Variants in TMEM131L observed in about 807,000 individuals in gnomAD.
TMEM131L encodes the protein transmembrane 131 like.
In TMEM131L, 54 loss-of-function variants were observed where a neutral mutation model predicts 192.2. That is an observed-to-expected ratio of 0.28 (90% CI 0.23 to 0.35). The LOEUF is 0.35. Among genes scored for constraint, TMEM131L ranks in the 10% least tolerant of loss-of-function variants. TMEM131L has a pLI of 1.00. For synonymous variants in TMEM131L, 701 were observed against 704.9 expected, an observed-to-expected ratio of 0.99 and a Z score of 0.09; for missense variants, 1,888 against 1,972.9, an observed-to-expected ratio of 0.96 and a Z score of 0.82.
chr4:153,604,188 A>T lies in TMEM131L; in HGVS notation c.3176A>T (p.Asn1059Ile). 6.2e-7 allele frequency: 1 copy of T among 1,614,176 alleles called. No individual in the cohort carries two copies. The highest frequency in any genetic ancestry group is 1.3e-5 in the African/African-American group (1 of 75,068). Reference sequence around the variant, plus strand: ...AAAAACTTACTGAATAAAGAAGAAAACACACTGAAAAACACAATTGTTTTC... The same window carrying T: ...AAAAACTTACTGAATAAAGAAGAAATCACACTGAAAAACACAATTGTTTTC... ...LPKNLLNKEENTLKNTIVFSN... is the reference protein window; with the variant it reads ...LPKNLLNKEEITLKNTIVFSN... Residue 1059 changes from asparagine to isoleucine, a missense_variant, in exon 25 of 35, where the codon AAC (asparagine) becomes ATC (isoleucine). Asn to Ile is a moderately radical substitution (Grantham distance 149). Coordinates refer to ENST00000409959, the MANE Select transcript of TMEM131L (RefSeq NM_001131007.2).
chr4:153,586,168 G>A (rs1730686594), intron 13 of TMEM131L, 41 bp from the exon 14 acceptor site: 7 of 1,381,558 alleles, frequency 5.1e-6, no homozygotes, highest in Non-Finnish European at 5.9e-6. Flanking sequence ...ATCATAATTA[G>A]TGTTAGGAAA....
intron 3 of TMEM131L, among the ~76,000 whole-genome samples, chr4:153,513,052 G>A (rs879784621): frequency 3.3e-5 from 5 of 152,102 alleles, no homozygotes; most frequent in African/African-American, 1.2e-4. Flanking sequence ...TCATCTGCTG[G>A]TTTTAGTTAT....
In TMEM131L at chr4:153,572,429, C is replaced by T. The variant is rs370869957; in HGVS notation, c.661-8397C>T. On this transcript the variant is annotated intron_variant, in intron 7 of 34. Transcript: ENST00000409959. Reference sequence around the variant, plus strand: ...CACTGCAACCTCTGCCTCCCGGGTTCAAGTGATTCCCTTGCCTCAGCCTCC... The same window carrying T: ...CACTGCAACCTCTGCCTCCCGGGTTTAAGTGATTCCCTTGCCTCAGCCTCC... Among the ~76,000 whole-genome samples, 19 of 152,298 alleles carry T rather than the reference C, an allele frequency of 1.2e-4. No individual in the cohort carries two copies. In the East Asian group the frequency reaches 1.7e-3, roughly 14 times the overall value.
chr4:153,612,929 G>A (rs879734065), intron 26 of TMEM131L, among the ~76,000 whole-genome samples: 2 of 152,156 alleles, frequency 1.3e-5, no homozygotes, highest in African/African-American at 2.4e-5. Flanking sequence ...TAGGCACTTA[G>A]TTAAATTAAT....
At chr4:153,576,496 C>G (rs1349718608) in intron 7 of TMEM131L, among the ~76,000 whole-genome samples, 1 of 152,128 alleles carries the variant, frequency 6.6e-6, no homozygotes, top group East Asian at 1.9e-4. Context: ...CTAAGAATGA[C>G]AAAATATTAG....
At chr4:153,510,585 G>C (rs1043323058) in intron 3 of TMEM131L, among the ~76,000 whole-genome samples, 2 of 152,074 alleles carry the variant, frequency 1.3e-5, no homozygotes, top group African/African-American at 4.8e-5. Flanking sequence ...TCCCATTTTT[G>C]CATTCAGTAA....
chr4:153,473,974 G>A (rs1249918582), intron 3 of TMEM131L, 86 bp downstream of exon 3: 3 of 854,492 alleles, frequency 3.5e-6, no homozygotes, highest in Non-Finnish European at 5.5e-6. Flanking sequence ...ATATGTCCAT[G>A]TTTATGTATT....
intron 3 of TMEM131L, among the ~76,000 whole-genome samples, chr4:153,484,930 T>C (rs1203780441): frequency 2.7e-5 from 4 of 146,552 alleles, no homozygotes; most frequent in Admixed American, 2.0e-4. Context: ...CCATCCTGGC[T>C]AACATGGTGA....
chr4:153,596,677 C>G (rs1003155328), intron 20 of TMEM131L, among the ~76,000 whole-genome samples: 2 of 152,162 alleles, frequency 1.3e-5, no homozygotes, highest in Non-Finnish European at 2.9e-5. Context: ...AGAACACACT[C>G]ATGCAGATCT....
chr4:153,492,949 G>A (rs561911887), intron 3 of TMEM131L, among the ~76,000 whole-genome samples: 9 of 152,266 alleles, frequency 5.9e-5, no homozygotes, highest in African/African-American at 2.2e-4. Flanking sequence ...AATGAGCCAA[G>A]GCTGGGAGAT....
chr4:153,492,740 T>C (rs2149900283), intron 3 of TMEM131L, among the ~76,000 whole-genome samples: 1 of 150,452 alleles, frequency 6.6e-6, no homozygotes. Flanking sequence ...GGTGTGTTTA[T>C]GAGCAGAGTT....
intron 3 of TMEM131L, among the ~76,000 whole-genome samples, chr4:153,532,009 T>C (rs1320096965): frequency 1.3e-5 from 2 of 152,250 alleles, no homozygotes; most frequent in Non-Finnish European, 2.9e-5. Flanking sequence ...TTCTCCAGTC[T>C]AGTAGAGCCT....
chr4:153,585,804 C>A (rs1468599490), intron 13 of TMEM131L, among the ~76,000 whole-genome samples, 193 bp downstream of exon 13: 1 of 152,046 alleles, frequency 6.6e-6, no homozygotes, highest in Non-Finnish European at 1.5e-5. Flanking sequence ...TAGGAGACTT[C>A]TCTTTCTCTC....
In TMEM131L at chr4:153,556,389, C is replaced by G. The variant is rs543701298; in HGVS notation, c.432+479C>G. 8.0e-4 allele frequency among the ~76,000 whole-genome samples: 122 copies of G among 152,252 alleles called. 1 individual carries two copies. The South Asian group carries it at 0.012, about 14-fold the overall frequency. ...TGTAAAGCTGATTGGCACCATAACA[C>G]AGAGCTCAAACTTAGTCTTCTAATA... On this transcript the variant is annotated intron_variant, in intron 5 of 34. Coordinates refer to ENST00000409959, the MANE Select transcript of TMEM131L (RefSeq NM_001131007.2).
chr4:153,576,031 C>T (rs1201186563), intron 7 of TMEM131L, among the ~76,000 whole-genome samples: 2 of 151,874 alleles, frequency 1.3e-5, no homozygotes, highest in Non-Finnish European at 2.9e-5. Flanking sequence ...CCGATCTCGG[C>T]TCACTGCAAG....
rs761575549 is a variant in TMEM131L, at chr4:153,591,101, G to T, written c.1719G>T (p.Lys573Asn). The change falls in exon 17 of 35, where the codon AAG (lysine) becomes AAT (asparagine). Residue 573 changes from lysine to asparagine, a missense_variant. Lys to Asn is a moderately conservative substitution (Grantham distance 94). Coordinates refer to ENST00000409959, the MANE Select transcript of TMEM131L (RefSeq NM_001131007.2). ...TTRFAHLKKSKESESFVFFLP... is the reference protein window; with the variant it reads ...TTRFAHLKKSNESESFVFFLP... ...GATTTGCTCACTTGAAGAAATCCAAGGAGTCAGAGTCCTTTGTTTTCTTTT... is the reference window on the plus strand; with the variant it reads ...GATTTGCTCACTTGAAGAAATCCAATGAGTCAGAGTCCTTTGTTTTCTTTT... 6.8e-6 allele frequency: 11 copies of T among 1,607,498 alleles called. No homozygotes were observed. The highest frequency in any genetic ancestry group is 9.4e-6 in the Non-Finnish European group (11 of 1,176,112).
At chr4:153,523,232 C>G (rs1026900696) in intron 3 of TMEM131L, among the ~76,000 whole-genome samples, 1 of 152,100 alleles carries the variant, frequency 6.6e-6, no homozygotes, top group Non-Finnish European at 1.5e-5. Context: ...ATTGGCAAGC[C>G]ATGTTATTTA....
chr4:153,542,016 C>G (rs1426516725), intron 3 of TMEM131L, among the ~76,000 whole-genome samples: 1 of 152,220 alleles, frequency 6.6e-6, no homozygotes, highest in Non-Finnish European at 1.5e-5. Context: ...AAACTAGTAT[C>G]TGGCCCTTTC....
At chr4:153,584,066 T>G (rs1158640977) in intron 11 of TMEM131L, among the ~76,000 whole-genome samples, 2 of 152,254 alleles carry the variant, frequency 1.3e-5, no homozygotes, top group Non-Finnish European at 2.9e-5. Flanking sequence ...TCCAGATATG[T>G]ATGTATTCAA....
Sources: gnomAD v4.1 joint callset for allele counts (sites outside exome capture counted in the v4.1 genomes callset) on GRCh38, gnomAD v4.1.1 for gene constraint, MANE v1.5 for transcripts, NCBI Gene and HGNC (gene_info 2026-07-23, HGNC 2026-07-21) for gene names.